The following CTNNA3 variants were observed in gnomAD, a reference collection of about 807,000 sequenced individuals.
The protein encoded by CTNNA3 is catenin alpha-3.
CTNNA3 carries 76 observed loss-of-function variants against 95.7 expected under a neutral mutation model. That is an observed-to-expected ratio of 0.79 (90% CI 0.66 to 0.96). The LOEUF is 0.96. Ranked by LOEUF, CTNNA3 falls within the 40% of genes least tolerant of loss-of-function variation. The probability of loss-of-function intolerance (pLI) is 0.00; values close to 1 mark genes in which losing one functional copy is unlikely to be tolerated. For missense variants in CTNNA3, 1,191 were observed against 1,089.8 expected, an observed-to-expected ratio of 1.09 and a Z score of -1.31; for synonymous variants, 431 against 374.4, an observed-to-expected ratio of 1.15 and a Z score of -1.74.
chr10:67,275,965 A>G (rs553097712), intron 5 of CTNNA3, among the ~76,000 whole-genome samples: 50 of 152,298 alleles, frequency 3.3e-4, no homozygotes, highest in Non-Finnish European at 2.9e-5. Flanking sequence ...CATAGTTGGA[A>G]AATCACTTCT....
intron 11 of CTNNA3, among the ~76,000 whole-genome samples, chr10:66,397,821 GGATCAGACT>G (rs1240774180): frequency 6.6e-6 from 1 of 151,704 alleles, no homozygotes; most frequent in Non-Finnish European, 1.5e-5. Flanking sequence ...TGTCCCACTG[GGATCAGACT>G]GATCACAATG....
chr10:66,757,282 C>G (rs1381099138), intron 9 of CTNNA3, among the ~76,000 whole-genome samples: 1 of 152,096 alleles, frequency 6.6e-6, no homozygotes, highest in Non-Finnish European at 1.5e-5. Flanking sequence ...AGTGGCAACT[C>G]TAAATGCATT....
intron 7 of CTNNA3, among the ~76,000 whole-genome samples, chr10:66,840,185 A>C (rs1181522500): frequency 1.3e-5 from 2 of 152,178 alleles, no homozygotes; most frequent in East Asian, 3.8e-4. Context: ...AAATGATCCC[A>C]GATCAGAGTA....
At chr10:65,924,828 T>C (rs1006070108) in intron 17 of CTNNA3, among the ~76,000 whole-genome samples, 1 of 152,194 alleles carries the variant, frequency 6.6e-6, no homozygotes, top group Non-Finnish European at 1.5e-5. Flanking sequence ...ATGTCTTACA[T>C]GGCAATCAAG....
At chr10:66,934,189 G>A (rs556482997) in intron 7 of CTNNA3, among the ~76,000 whole-genome samples, 1 of 151,838 alleles carries the variant, frequency 6.6e-6, no homozygotes, top group African/African-American at 2.4e-5. Context: ...TGAAAAAAAA[G>A]AAAAACAGCT....
intron 5 of CTNNA3, among the ~76,000 whole-genome samples, chr10:67,409,466 T>C (rs1479840646): frequency 6.6e-6 from 1 of 152,124 alleles, no homozygotes; most frequent in Non-Finnish European, 1.5e-5. Flanking sequence ...GCTGTTATCC[T>C]CAGCAAACTA....
intron 4 of CTNNA3, among the ~76,000 whole-genome samples, chr10:67,533,987 GA>G (rs1840415034): frequency 1.3e-5 from 2 of 151,698 alleles, no homozygotes; most frequent in Admixed American, 1.3e-4. Flanking sequence ...GAGCTCAGAG[GA>G]ATTCTTTAAT....
chr10:66,340,506 T>C (rs941120936), intron 12 of CTNNA3, among the ~76,000 whole-genome samples: 1 of 151,876 alleles, frequency 6.6e-6, no homozygotes, highest in Non-Finnish European at 1.5e-5. Context: ...ATTTTCTATA[T>C]TTGTTTTAAA....
chr10:66,836,460 G>C (rs1459362643), intron 7 of CTNNA3, among the ~76,000 whole-genome samples: 4 of 152,074 alleles, frequency 2.6e-5, no homozygotes, highest in African/African-American at 9.7e-5. Context: ...CCATTATCCT[G>C]AGTATCCAAC....
chr10:66,087,045 T>C (rs557883261), intron 14 of CTNNA3, among the ~76,000 whole-genome samples: 2 of 152,222 alleles, frequency 1.3e-5, no homozygotes, highest in Non-Finnish European at 2.9e-5. Flanking sequence ...ACATCCAACA[T>C]GGTGATTCCT....
At chr10:66,328,018 C>T (rs940315862) in intron 12 of CTNNA3, among the ~76,000 whole-genome samples, 2 of 152,018 alleles carry the variant, frequency 1.3e-5, no homozygotes, top group Non-Finnish European at 1.5e-5. Context: ...GGGAATCTAA[C>T]ATCACCATTC....
intron 5 of CTNNA3, among the ~76,000 whole-genome samples, chr10:67,459,671 G>A (rs1270687598): frequency 6.6e-6 from 1 of 152,148 alleles, no homozygotes; most frequent in East Asian, 1.9e-4. Flanking sequence ...ATGTCATGGA[G>A]CAAAAGCAAA....
intron 7 of CTNNA3, among the ~76,000 whole-genome samples, chr10:66,869,691 A>C (rs1489432012): frequency 6.6e-6 from 1 of 152,124 alleles, no homozygotes; most frequent in Non-Finnish European, 1.5e-5. Context: ...GCATGAATAA[A>C]AGCATTTATA....
chr10:66,726,281 A>C (rs933008987), intron 9 of CTNNA3, among the ~76,000 whole-genome samples: 2 of 152,068 alleles, frequency 1.3e-5, no homozygotes, highest in African/African-American at 4.8e-5. Flanking sequence ...GTTCCTTTCA[A>C]AGGATAAAAC....
chr10:67,445,561 G>A (rs1846714888), intron 5 of CTNNA3, among the ~76,000 whole-genome samples: 1 of 152,100 alleles, frequency 6.6e-6, no homozygotes, highest in Non-Finnish European at 1.5e-5. Flanking sequence ...GAGCCCTCAT[G>A]ACCTAATCAC....
chr10:66,001,227 T>A (rs2078764481), intron 15 of CTNNA3, among the ~76,000 whole-genome samples: 1 of 152,166 alleles, frequency 6.6e-6, no homozygotes, highest in Non-Finnish European at 1.5e-5. Context: ...TTTCTTGAGA[T>A]ATTATTACTT....
At chr10:67,209,459 C>T (rs16924225) in intron 6 of CTNNA3, among the ~76,000 whole-genome samples, 6,576 of 152,178 alleles carry the variant, frequency 0.043, 182 homozygotes, top group South Asian at 0.088. Flanking sequence ...ACAGGTGAAA[C>T]AGAAAACAGA....
rs2077974257 is a variant in CTNNA3, at chr10:65,966,688, T to C, written c.2324A>G (p.Tyr775Cys). Reference sequence around the variant, plus strand: ...ACTGCAGATTTTCAGTTGGTGGGAGTAGAACTTAATCTGTTCCAGGTAGGC... The same window carrying C: ...ACTGCAGATTTTCAGTTGGTGGGAGCAGAACTTAATCTGTTCCAGGTAGGC... The part of the protein sequence containing the change: ...LLAYLEQIKF[Y>C]SHQLKICSQV... The change falls in exon 17 of 18, where the codon TAC becomes TGC. Residue 775 changes from tyrosine (Y) to cysteine (C), a missense_variant. Physicochemically the swap from Tyr to Cys is radical, Grantham distance 194 (BLOSUM62 -2). Transcript: ENST00000433211. The C allele has an allele frequency of 6.2e-7, 1 of 1,613,594 alleles. No individual in the cohort carries two copies. Among genetic ancestry groups the C allele is most frequent in the Non-Finnish European group, 8.5e-7 (1 of 1,179,626 alleles).
At chr10:67,737,833 G>A (rs1252510105) in intron 1 of CTNNA3, among the ~76,000 whole-genome samples, 1 of 152,180 alleles carries the variant, frequency 6.6e-6, no homozygotes, top group Admixed American at 6.5e-5. Flanking sequence ...CAACCATTGT[G>A]GAAGACAGTG....
Sources: allele counts gnomAD v4.1 joint callset (sites outside exome capture counted in the v4.1 genomes callset), GRCh38; gene constraint gnomAD v4.1.1; transcripts MANE v1.5; gene names NCBI Gene and HGNC (gene_info 2026-07-23, HGNC 2026-07-21).